The following FOXP1 variants were observed in gnomAD, a reference collection of about 807,000 sequenced individuals.
The protein encoded by FOXP1 is forkhead box P1, also known as forkhead box protein P1.
FOXP1 carries 15 observed loss-of-function variants against 98.2 expected under a neutral mutation model. That is an observed-to-expected ratio of 0.15 (90% confidence interval 0.10 to 0.24). The LOEUF (loss-of-function observed/expected upper bound fraction) is 0.24. Ranked by LOEUF, FOXP1 falls within the 10% of genes least tolerant of loss-of-function variation. The probability of loss-of-function intolerance (pLI) is 1.00; values close to 1 mark genes in which losing one functional copy is unlikely to be tolerated. For missense variants in FOXP1, 633 were observed against 848.5 expected (o/e 0.75, Z 3.15); for synonymous variants, 371 against 314.5 (o/e 1.18, Z -1.90).
At chr3:71,570,178 CA>C (rs2047225580) in intron 2 of FOXP1, 1 of 152,162 alleles carries the variant, frequency 6.6e-6, no homozygotes, top group African/African-American at 2.4e-5. Flanking sequence ...GTCTCAAAAG[CA>C]AAGTGGCCCC....
chr3:70,971,071 A>T (rs575305728), intron 18 of FOXP1: 1 of 441,810 alleles, frequency 2.3e-6, no homozygotes, highest in East Asian at 4.6e-5. Context: ...CCCTCCAGAG[A>T]CCTCTCTGCA....
intron 2 of FOXP1, among the ~76,000 whole-genome samples, chr3:71,560,918 T>A (rs542458129): frequency 6.6e-6 from 1 of 151,986 alleles, no homozygotes; most frequent in African/African-American, 2.4e-5. Flanking sequence ...GGAAATGGGG[T>A]GGAGAGAGGA....
Position 71,164,207 on chromosome 3 carries a change from T to A in FOXP1, c.180+33995A>T, listed in dbSNP as rs193056364. Among the ~76,000 whole-genome samples, 1,110 of 152,292 alleles carry A rather than the reference T, an allele frequency of 7.3e-3. 10 individuals are homozygous for A. The highest frequency in any genetic ancestry group is 7.4e-3 in the Non-Finnish European group (500 of 68,026). ...TACTTATTTATTTATTTTTATTTTTTATTTTTTTTTGAAACAGAGTCTTGC... is the reference window on the plus strand; with the variant it reads ...TACTTATTTATTTATTTTTATTTTTAATTTTTTTTTGAAACAGAGTCTTGC... On this transcript the variant is annotated intron_variant, in intron 6 of 20. Transcript: ENST00000649528.
chr3:71,217,719 G>A (rs1229103734), intron 5 of FOXP1, among the ~76,000 whole-genome samples: 2 of 152,020 alleles, frequency 1.3e-5, no homozygotes, highest in Non-Finnish European at 2.9e-5. Context: ...GGAAGGGCTG[G>A]GATGAAATGA....
intron 5 of FOXP1, among the ~76,000 whole-genome samples, chr3:71,263,565 G>A (rs1345477277): frequency 6.6e-6 from 1 of 151,950 alleles, no homozygotes; most frequent in African/African-American, 2.4e-5. Flanking sequence ...CCTGACCCTT[G>A]AGGAAGGTGC....
intron 2 of FOXP1, among the ~76,000 whole-genome samples, chr3:71,517,168 T>C (rs1158225083): frequency 6.6e-6 from 1 of 150,900 alleles, no homozygotes; most frequent in Non-Finnish European, 1.5e-5. Flanking sequence ...GCTAAAAATA[T>C]TAACCTACAC....
chr3:71,574,145 A>T (rs1393843886), intron 2 of FOXP1: 1 of 152,194 alleles, frequency 6.6e-6, no homozygotes, highest in Non-Finnish European at 1.5e-5. Context: ...CAGAAATTTT[A>T]AAAGTTTTTA....
chr3:71,181,798 TGAG>T (rs1043490641), intron 6 of FOXP1, among the ~76,000 whole-genome samples: 2 of 151,976 alleles, frequency 1.3e-5, no homozygotes, highest in African/African-American at 4.8e-5. Context: ...TTTGAGAGGC[TGAG>T]GAGGACGGAT....
intron 5 of FOXP1, among the ~76,000 whole-genome samples, chr3:71,212,155 G>A (rs1189284155): frequency 2.6e-5 from 4 of 152,026 alleles, no homozygotes; most frequent in Non-Finnish European, 5.9e-5. Flanking sequence ...TTATCAGAAG[G>A]ATTAAAAAAG....
rs73839463 is a variant in FOXP1 at position 71,237,414 on chromosome 3, T to C, written c.-11-39022A>G. 5.3e-3 allele frequency among the ~76,000 whole-genome samples: 800 copies of C among 152,216 alleles called. 7 individuals are homozygous for C. The highest frequency in any genetic ancestry group is 0.018 in the African/African-American group (752 of 41,514). On this transcript the variant is annotated intron_variant, in intron 5 of 20. Transcript: ENST00000649528. ...ATTTTATACATATGGCCTATCTTGA[T>C]TGGGGCTAGCTAGCCACGCTTCCAG...
chr3:71,214,090 T>C (rs2064725150), intron 5 of FOXP1, among the ~76,000 whole-genome samples: 1 of 152,172 alleles, frequency 6.6e-6, no homozygotes, highest in Non-Finnish European at 1.5e-5. Flanking sequence ...AAAGCGTACT[T>C]AGGTGGAGCT....
intron 3 of FOXP1, among the ~76,000 whole-genome samples, chr3:71,368,891 C>T (rs1426364285): frequency 6.6e-6 from 1 of 152,162 alleles, no homozygotes. Context: ...GGGAAGAAAA[C>T]ATATACCTTA....
chr3:71,523,071 T>C (rs2043110289), intron 2 of FOXP1, among the ~76,000 whole-genome samples: 1 of 152,164 alleles, frequency 6.6e-6, no homozygotes, highest in Admixed American at 6.5e-5. Context: ...TAATCCAATA[T>C]GACTGGTGTC....
At chr3:71,582,743 G>T in intron 1 of FOXP1, 1 of 985,270 alleles carries the variant, frequency 1.0e-6, no homozygotes. Context: ...TCGGGAAAGC[G>T]GAGGCCGAGC....
intron 11 of FOXP1, among the ~76,000 whole-genome samples, chr3:71,034,739 C>G (rs2047355717): frequency 1.3e-5 from 2 of 152,062 alleles, no homozygotes; most frequent in Admixed American, 1.3e-4. Context: ...TGTCTCTTGC[C>G]TGTGATCACA....
chr3:71,013,497 A>G (rs1237056839), intron 12 of FOXP1, among the ~76,000 whole-genome samples: 1 of 152,222 alleles, frequency 6.6e-6, no homozygotes. Context: ...ATGAAATAAA[A>G]GAGGATACAA....
intron 4 of FOXP1, among the ~76,000 whole-genome samples, chr3:71,331,832 G>GT (rs1333622027): frequency 8.5e-5 from 13 of 152,168 alleles, no homozygotes; most frequent in Non-Finnish European, 1.3e-4. Context: ...TCAGCACCCT[G>GT]TGTCTAGCTC....
chr3:71,421,057 TTGAGA>T (rs2083605399), intron 3 of FOXP1, among the ~76,000 whole-genome samples: 1 of 152,148 alleles, frequency 6.6e-6, no homozygotes, highest in Admixed American at 6.5e-5. Context: ...TAGGATAGCG[TTGAGA>T]TGAGACTAGA....
intron 7 of FOXP1, among the ~76,000 whole-genome samples, chr3:71,093,591 T>G (rs1007240924): frequency 2.0e-5 from 3 of 150,542 alleles, no homozygotes; most frequent in Admixed American, 2.0e-4. Flanking sequence ...CAGTTTCAAC[T>G]GTGATATAAG....
Sources: allele counts gnomAD v4.1 joint callset (sites outside exome capture counted in the v4.1 genomes callset), GRCh38; gene constraint gnomAD v4.1.1; transcripts MANE v1.5; gene names NCBI Gene and HGNC (gene_info 2026-07-23, HGNC 2026-07-21).